The following TASOR2 variants were observed in gnomAD, a reference collection of about 807,000 sequenced individuals.
TASOR2 encodes the protein protein TASOR 2.
Under a neutral mutation model 199.5 loss-of-function variants are expected in TASOR2, and 84 were observed. The observed-to-expected ratio is 0.42, with a 90% CI of 0.35 to 0.50. The LOEUF is 0.50. Among genes scored for constraint, TASOR2 ranks in the 20% least tolerant of loss-of-function variants. The pLI is 0.02. For missense variants in TASOR2, 2,796 were observed against 2,835.9 expected, an observed-to-expected ratio of 0.99 and a Z score of 0.32; for synonymous variants, 1,103 against 1,046.6, an observed-to-expected ratio of 1.05 and a Z score of -1.04.
intron 1 of TASOR2, among the ~76,000 whole-genome samples, chr10:5,686,227 G>T (rs1835801964): frequency 6.6e-6 from 1 of 152,194 alleles, no homozygotes; most frequent in Admixed American, 6.5e-5. Flanking sequence ...GAAGTTTTGT[G>T]TATACAGAAC....
rs1831817057 is a variant in TASOR2 at position 5,710,846 on chromosome 10, A to G, written c.-287-1977A>G. Among the ~76,000 whole-genome samples, 1 of 152,242 alleles carries G rather than the reference A, an allele frequency of 6.6e-6. No homozygotes were observed. The highest frequency in any genetic ancestry group is 2.4e-5 in the African/African-American group (1 of 41,562). ...AAATATCAAATATAAAGTTCCCAAA[A>G]TTATTGTTTCTAAAGAAATCTTGAT... On this transcript the variant is annotated intron_variant, in intron 1 of 20. Coordinates refer to ENST00000328090, the Ensembl canonical transcript of TASOR2. The surrounding 1 kb of genome is among the most constrained non-coding windows in gnomAD (Gnocchi z 4.6).
In TASOR2 at chr10:5,689,504, G is replaced by A. The variant is rs556950828; in HGVS notation, c.-288+4329G>A. ...AGTCCCAGCTACTCGGGAGGCTGAGGCAGAAGAATTGCTTGAACTCGGGAG... is the reference window on the plus strand; with the variant it reads ...AGTCCCAGCTACTCGGGAGGCTGAGACAGAAGAATTGCTTGAACTCGGGAG... On this transcript the variant is annotated intron_variant, in intron 1 of 20. Coordinates refer to ENST00000328090, the Ensembl canonical transcript of TASOR2. This position sits in a 1 kb window ranked among gnomAD's most constrained non-coding sequence, Gnocchi z 4.1. Among the ~76,000 whole-genome samples the A allele has an allele frequency of 9.2e-5, 14 of 152,160 alleles. No homozygotes were observed. The highest frequency in any genetic ancestry group is 3.4e-4 in the African/African-American group (14 of 41,498).
At chr10:5,734,620 T>C (rs1835297050) in intron 11 of TASOR2, among the ~76,000 whole-genome samples, 1 of 152,118 alleles carries the variant, frequency 6.6e-6, no homozygotes, top group African/African-American at 2.4e-5. Flanking sequence ...ATGGAAGCTG[T>C]GCTGCTGTTT....
In TASOR2 at chr10:5,687,937, A is replaced by C. The variant is rs1409853268; in HGVS notation, c.-288+2762A>C. 6.6e-6 allele frequency among the ~76,000 whole-genome samples: 1 copy of C among 152,236 alleles called. No individual in the cohort carries two copies. Among genetic ancestry groups the C allele is most frequent in the Non-Finnish European group, 1.5e-5 (1 of 68,044 alleles). The stretch of plus-strand genomic sequence containing the variant: ...GTATGTTTATTTATTGGTACCTTTA[A>C]ATATAATAACCCATTACATCTTAAC... On this transcript the variant is annotated intron_variant, in intron 1 of 20. Coordinates refer to ENST00000328090, the Ensembl canonical transcript of TASOR2. The surrounding 1 kb of genome is among the most constrained non-coding windows in gnomAD (Gnocchi z 4.8).
At chr10:5,734,065 A>G (rs1004620271) in intron 11 of TASOR2, among the ~76,000 whole-genome samples, 7 of 152,308 alleles carry the variant, frequency 4.6e-5, no homozygotes, top group Admixed American at 2.0e-4. Flanking sequence ...GTTTAATATC[A>G]TTTTTAGTGT....
intron 11 of TASOR2, among the ~76,000 whole-genome samples, chr10:5,733,574 T>A (rs1835144225): frequency 6.6e-6 from 1 of 152,202 alleles, no homozygotes; most frequent in African/African-American, 2.4e-5. Context: ...TTGCATTCAG[T>A]TTGAGAAGCA....
chr10:5,748,778 G>T lies in TASOR2; in HGVS notation c.5357G>T (p.Gly1786Val). ...GAATCCTTTGATACTTCTGTTTGTG[G>T]AATAGCCACAGAGCACGTAGAAATT... The change falls in exon 15 of 21, where the codon GGA (glycine) becomes GTA (valine). Residue 1786 changes from glycine to valine, a missense_variant. Physicochemically the swap from Gly to Val is moderately radical, Grantham distance 109. Transcript: ENST00000328090. The surrounding 1 kb of genome is among the most constrained non-coding windows in gnomAD (Gnocchi z 5.1). 6.2e-7 allele frequency: 1 copy of T among 1,614,142 alleles called. No individual in the cohort carries two copies. Among genetic ancestry groups the T allele is most frequent in the South Asian group, 1.1e-5 (1 of 91,076 alleles).
chr10:5,762,514 T>TTG lies in TASOR2; in HGVS notation c.7175-17_7175-16insGT, dbSNP rs751448495. ...TTAATTATATTAACCAAAAGTTGTT[T>TTG]TTTTTTTTTTTTAACAGACAAGCCT... On this transcript the variant is annotated splice_polypyrimidine_tract_variant and intron_variant, in intron 19 of 20. Coordinates refer to ENST00000328090, the Ensembl canonical transcript of TASOR2. 6.3e-5 allele frequency: 37 copies of TTG among 587,854 alleles called. 3 individuals are homozygous for TTG. The highest frequency in any genetic ancestry group is 5.0e-4 in the East Asian group (14 of 28,204). 36.4% of individuals were successfully genotyped at this position (587,854 alleles called of 1,614,324 possible).
Position 5,695,926 on chromosome 10 carries a change from G to C in TASOR2, c.-288+10751G>C, listed in dbSNP as rs1286594480. ...TTACAGGATGGGGTGGGAATAGAAG[G>C]GTTGGTTGATGGTCTTTATCATTTT... On this transcript the variant is annotated intron_variant, in intron 1 of 20. Transcript: ENST00000328090. Among the ~76,000 whole-genome samples, 5 of 151,996 alleles carry C rather than the reference G, an allele frequency of 3.3e-5. No individual in the cohort carries two copies. In the South Asian group the frequency reaches 8.3e-4, roughly 25 times the overall value.
In TASOR2 at chr10:5,750,005, A is replaced by G. The variant is rs1837800386; in HGVS notation, c.6584A>G (p.Lys2195Arg). 6.2e-7 allele frequency: 1 copy of G among 1,601,526 alleles called. No homozygotes were observed. The highest frequency in any genetic ancestry group is 1.1e-5 in the South Asian group (1 of 88,798). The stretch of plus-strand genomic sequence containing the variant: ...TTCTACCTTGTCGAAACAGAAGACA[A>G]ATCATTCTTTGTAAGAACAAAGGTA... The change falls in exon 15 of 21, where the codon AAA (lysine) becomes AGA (arginine). Residue 2195 changes from lysine to arginine, a missense_variant. Transcript: ENST00000328090. This position sits in a 1 kb window ranked among gnomAD's most constrained non-coding sequence, Gnocchi z 5.4.
intron 15 of TASOR2, among the ~76,000 whole-genome samples, chr10:5,753,148 C>T (rs1320940048): frequency 1.3e-5 from 2 of 151,984 alleles, no homozygotes; most frequent in East Asian, 1.9e-4. Context: ...GATATCTTAG[C>T]GGATGGAGAA....
At chr10:5,694,042 A>G (rs1027939011) in intron 1 of TASOR2, among the ~76,000 whole-genome samples, 1 of 152,186 alleles carries the variant, frequency 6.6e-6, no homozygotes, top group Non-Finnish European at 1.5e-5. Flanking sequence ...GATGACTTAA[A>G]TAGATGTCAC....
chr10:5,723,256 C>G (rs540734665), intron 6 of TASOR2, among the ~76,000 whole-genome samples: 2 of 151,598 alleles, frequency 1.3e-5, no homozygotes, highest in Non-Finnish European at 2.9e-5. Flanking sequence ...GGGGTTTCAC[C>G]GAGTTAGCCA....
chr10:5,695,869 G>A (rs947816359), intron 1 of TASOR2, among the ~76,000 whole-genome samples: 1 of 152,080 alleles, frequency 6.6e-6, no homozygotes, highest in South Asian at 2.1e-4. Flanking sequence ...AGGAATTGGG[G>A]GTATCAAGTA....
At chr10:5,693,438 G>A (rs1480103290) in intron 1 of TASOR2, among the ~76,000 whole-genome samples, 1 of 152,204 alleles carries the variant, frequency 6.6e-6, no homozygotes, top group African/African-American at 2.4e-5. Context: ...ATTTTTTAAT[G>A]AATGTTTAAG....
Position 5,749,646 on chromosome 10 carries a change from T to A in TASOR2, c.6225T>A (p.His2075Gln), listed in dbSNP as rs770621875. The A allele has an allele frequency of 1.2e-6, 2 of 1,614,176 alleles. No individual in the cohort carries two copies. The highest frequency in any genetic ancestry group is 8.5e-7 in the Non-Finnish European group (1 of 1,180,016). ...CCTCTTGGAGAGAGAGATGTAGTCA[T>A]AATAGAGATCTTAGAAATTCTCAAA... The change falls in exon 15 of 21, where the codon CAT (histidine) becomes CAA (glutamine). Residue 2075 changes from histidine to glutamine, a missense_variant. His to Gln is a conservative substitution (Grantham distance 24). Around this residue, in one of 3 missense-constraint regions of TASOR2, gnomAD observed 1,941 missense variants for 1,924.9 expected, o/e 1.01. Coordinates refer to ENST00000328090, the Ensembl canonical transcript of TASOR2.
At chr10:5,725,645 A>G (rs775834287) in intron 8 of TASOR2, among the ~76,000 whole-genome samples, 8 of 151,954 alleles carry the variant, frequency 5.3e-5, no homozygotes, top group Non-Finnish European at 1.2e-4. Flanking sequence ...GCCAGGCATA[A>G]TGGCCTGCAC....
rs1456095365 is a variant in TASOR2, at chr10:5,685,188, T to G, written c.-288+13T>G. ...ACGCCAAGGACGGGTAAGTCCCTCC[T>G]CGGCCTGGGCGCCCGGGAACCCTGC... On this transcript the variant is annotated intron_variant, in intron 1 of 20. Coordinates refer to ENST00000328090, the Ensembl canonical transcript of TASOR2. This position sits in a 1 kb window ranked among gnomAD's most constrained non-coding sequence, Gnocchi z 5.4. 18 of 397,704 alleles carry G rather than the reference T, an allele frequency of 4.5e-5. No homozygotes were observed. Among genetic ancestry groups the G allele is most frequent in the Non-Finnish European group, 7.5e-5 (17 of 225,508 alleles). The allele number at this position is 397,704 out of a possible 1,614,324, so 24.6% of individuals were successfully genotyped here.
intron 1 of TASOR2, among the ~76,000 whole-genome samples, chr10:5,697,657 A>G (rs1344941373): frequency 6.6e-6 from 1 of 152,126 alleles, no homozygotes; most frequent in Non-Finnish European, 1.5e-5. Context: ...ACCAGATTAC[A>G]TTTGGAGATT....
Sources: gnomAD v4.1 joint callset for allele counts (sites outside exome capture counted in the v4.1 genomes callset) on GRCh38, gnomAD v4.1.1 for gene constraint, gnomAD v4.1.1 regional missense constraint, Gnocchi (gnomAD v3.1) non-coding constraint, MANE v1.5 for transcripts, NCBI Gene and HGNC (gene_info 2026-07-23, HGNC 2026-07-21) for gene names.